The following TASP1 variants were observed in gnomAD, a reference collection of about 807,000 sequenced individuals.
The protein encoded by TASP1 is threonine aspartase 1.
TASP1 carries 16 observed loss-of-function variants against 56.6 expected under a neutral mutation model. The observed-to-expected ratio is 0.28, with a 90% CI of 0.19 to 0.43. The LOEUF is 0.43. Among genes scored for constraint, TASP1 ranks in the 20% least tolerant of loss-of-function variants. TASP1 has a pLI of 1.00. For synonymous variants in TASP1, 179 were observed against 184.2 expected (o/e 0.97, Z 0.23); for missense variants, 393 against 511.6 (o/e 0.77, Z 2.24).
the TASP1 span, among the ~76,000 whole-genome samples, chr20:13,142,444 G>A: frequency 6.6e-6 from 1 of 152,326 alleles, no homozygotes; most frequent in East Asian, 1.9e-4. Context: ...CCAGGGTAAA[G>A]GGGAACTGGT....
intron 10 of TASP1, among the ~76,000 whole-genome samples, chr20:13,486,736 T>G (rs537230541): frequency 6.6e-6 from 1 of 152,274 alleles, no homozygotes; most frequent in South Asian, 2.1e-4. Flanking sequence ...TACCAGACAC[T>G]ATGTATCTCT....
chr20:13,432,658 C>T (rs1475102120), intron 12 of TASP1, among the ~76,000 whole-genome samples: 1 of 152,166 alleles, frequency 6.6e-6, no homozygotes, highest in East Asian at 1.9e-4. Flanking sequence ...ATTTCATAAA[C>T]TGGCACTTCA....
At chr20:13,272,359 C>A in the TASP1 span, among the ~76,000 whole-genome samples, 80 of 152,312 alleles carry the variant, frequency 5.3e-4, no homozygotes, top group African/African-American at 1.9e-3. Context: ...GGAATACCAA[C>A]CCCCGCTGTA....
At chr20:13,121,421 G>C in the TASP1 span, among the ~76,000 whole-genome samples, 1 of 152,164 alleles carries the variant, frequency 6.6e-6, no homozygotes, top group Non-Finnish European at 1.5e-5. Flanking sequence ...AAGTAAGCAG[G>C]GGTCAGGGAG....
chr20:13,366,806 TC>T, the TASP1 span, among the ~76,000 whole-genome samples: 1 of 152,252 alleles, frequency 6.6e-6, no homozygotes, highest in African/African-American at 2.4e-5. Flanking sequence ...AAAAAGCATT[TC>T]CCCTTTCCTT....
At chr20:13,325,594 A>G in the TASP1 span, among the ~76,000 whole-genome samples, 22 of 152,248 alleles carry the variant, frequency 1.4e-4, no homozygotes, top group Non-Finnish European at 2.8e-4. Context: ...GGTTTAGACA[A>G]AAACCCTGTG....
intron 10 of TASP1, among the ~76,000 whole-genome samples, chr20:13,511,202 A>AT (rs1039745284): frequency 1.4e-4 from 21 of 149,796 alleles, no homozygotes; most frequent in Non-Finnish European, 2.2e-4. Flanking sequence ...CTAAAAGAAG[A>AT]TTTTTTTTTT....
At chr20:13,437,399 A>G (rs902365391) in intron 11 of TASP1, among the ~76,000 whole-genome samples, 10 of 152,184 alleles carry the variant, frequency 6.6e-5, no homozygotes, top group Non-Finnish European at 1.5e-4. Context: ...CACAGCCAAT[A>G]TTGTACTGAA....
At chr20:13,471,446 C>T (rs534474448) in intron 11 of TASP1, among the ~76,000 whole-genome samples, 44 of 152,134 alleles carry the variant, frequency 2.9e-4, no homozygotes, top group Non-Finnish European at 3.8e-4. Flanking sequence ...TTCTTATTGG[C>T]ATGTAATTCC....
chr20:13,114,698 C>G, the TASP1 span, among the ~76,000 whole-genome samples: 1 of 152,170 alleles, frequency 6.6e-6, no homozygotes, highest in Non-Finnish European at 1.5e-5. Flanking sequence ...ACATTTGTTA[C>G]TTTACTTTTA....
At chr20:13,493,171 C>A (rs1022675717) in intron 10 of TASP1, among the ~76,000 whole-genome samples, 1 of 152,058 alleles carries the variant, frequency 6.6e-6, no homozygotes, top group East Asian at 1.9e-4. Context: ...AACAAACAAA[C>A]AAAAAAACCT....
At chr20:13,473,269 T>C (rs2044588680) in intron 11 of TASP1, among the ~76,000 whole-genome samples, 1 of 149,242 alleles carries the variant, frequency 6.7e-6, no homozygotes, top group Non-Finnish European at 1.5e-5. Context: ...TTCTCACTCA[T>C]AGGTGGGAAC....
the TASP1 span, among the ~76,000 whole-genome samples, chr20:13,171,483 C>A: frequency 6.6e-6 from 1 of 151,974 alleles, no homozygotes; most frequent in Admixed American, 6.6e-5. Context: ...TAAGTGGGAC[C>A]AATCAAAGTT....
At chr20:13,263,481 G>A in the TASP1 span, among the ~76,000 whole-genome samples, 4 of 152,172 alleles carry the variant, frequency 2.6e-5, no homozygotes, top group Non-Finnish European at 5.9e-5. Flanking sequence ...TCTTAGGAGT[G>A]CTTGCTCCTC....
At chr20:13,437,464 T>C (rs1451325050) in intron 11 of TASP1, among the ~76,000 whole-genome samples, 2 of 152,178 alleles carry the variant, frequency 1.3e-5, no homozygotes, top group African/African-American at 2.4e-5. Context: ...AGGGATGCCC[T>C]CTCTCACCAC....
the TASP1 span, chr20:13,165,452 G>T: frequency 6.6e-6 from 1 of 152,380 alleles, no homozygotes; most frequent in South Asian, 2.1e-4. Context: ...TTTCGAGGGG[G>T]AAAGCAGAAC....
At chr20:13,316,307 T>C in the TASP1 span, among the ~76,000 whole-genome samples, 1 of 151,894 alleles carries the variant, frequency 6.6e-6, no homozygotes, top group Non-Finnish European at 1.5e-5. Flanking sequence ...ATTAATAACC[T>C]GTCAAAACAG....
the TASP1 span, among the ~76,000 whole-genome samples, chr20:13,153,601 A>G: frequency 1.5e-4 from 23 of 151,954 alleles, no homozygotes; most frequent in East Asian, 2.3e-3. Context: ...AAAAGCATCT[A>G]CCAATATCTG....
intron 12 of TASP1, among the ~76,000 whole-genome samples, chr20:13,434,677 T>C (rs2042941999): frequency 1.3e-5 from 2 of 152,094 alleles, no homozygotes; most frequent in Non-Finnish European, 2.9e-5. Context: ...CTCATTCCTT[T>C]TGGGGAAGGG....
Sources: gnomAD v4.1 joint callset for allele counts (sites outside exome capture counted in the v4.1 genomes callset) on GRCh38, gnomAD v4.1.1 for gene constraint, MANE v1.5 for transcripts, NCBI Gene and HGNC (gene_info 2026-07-23, HGNC 2026-07-21) for gene names.